Variants in NCAM1 observed in about 807,000 individuals in gnomAD.
NCAM1 encodes the protein antigen recognized by monoclonal antibody 5.1H11.
Under a neutral mutation model 109.8 loss-of-function variants are expected in NCAM1, and 14 were observed. That is an observed-to-expected ratio of 0.13 (90% CI 0.08 to 0.20). The LOEUF is 0.20. NCAM1 is among the 10% of genes least tolerant of loss of function. The pLI, the probability that NCAM1 is intolerant of heterozygous loss-of-function variation, is 1.00. For missense variants in NCAM1, 774 were observed against 1,109.9 expected, an observed-to-expected ratio of 0.70 and a Z score of 4.30; for synonymous variants, 418 against 442.9, an observed-to-expected ratio of 0.94 and a Z score of 0.70.
intron 1 of NCAM1, among the ~76,000 whole-genome samples, chr11:113,002,293 T>C (rs1951775223): frequency 6.6e-6 from 1 of 152,192 alleles, no homozygotes; most frequent in Admixed American, 6.5e-5. Flanking sequence ...GAATTTCTGC[T>C]CTGTTCTAGG....
intron 1 of NCAM1, among the ~76,000 whole-genome samples, chr11:113,030,066 A>T (rs1246457959): frequency 2.0e-5 from 3 of 152,252 alleles, no homozygotes; most frequent in African/African-American, 7.2e-5. Context: ...TATTTGATAA[A>T]AAAAAGGGAG....
At chr11:113,258,134 G>A (rs369304587) in intron 16 of NCAM1, among the ~76,000 whole-genome samples, 1 of 152,220 alleles carries the variant, frequency 6.6e-6, no homozygotes. Flanking sequence ...CCCTTCCAAG[G>A]AGCAGCCTGT....
rs146201810 is a variant in NCAM1, at chr11:113,071,387, A to G, written c.52+109723A>G. On this transcript the variant is annotated intron_variant, in intron 1 of 19. Transcript: ENST00000316851. Reference sequence around the variant, plus strand: ...GCTTTTCACTTGAGCAACCTTTCCAATTTATTAGTTTGGAATTTGCCATTG... The same window carrying G: ...GCTTTTCACTTGAGCAACCTTTCCAGTTTATTAGTTTGGAATTTGCCATTG... Among the ~76,000 whole-genome samples, 1,393 of 151,134 alleles carry G rather than the reference A, an allele frequency of 9.2e-3. 9 individuals carry two copies. Among genetic ancestry groups the G allele is most frequent in the South Asian group, 0.035 (167 of 4,792 alleles).
At chr11:112,974,020 C>G (rs549055804) in intron 1 of NCAM1, among the ~76,000 whole-genome samples, 1 of 152,164 alleles carries the variant, frequency 6.6e-6, no homozygotes, top group South Asian at 2.1e-4. Flanking sequence ...TGTCAATTCA[C>G]TATAATGGTT....
At position 113,275,525 on chromosome 11, in the gene NCAM1, T is replaced by A. The variant is rs1424887056; in HGVS notation, c.*138T>A. ...ACACACACACATCTCATTTCTCTAG[T>A]GTCTTTTGCCTTTAAAAAAAACTAA... On this transcript the variant is annotated 3_prime_UTR_variant, in exon 20 of 20. Transcript: ENST00000316851. 2.6e-6 allele frequency: 3 copies of A among 1,139,686 alleles called. No homozygotes were observed. The African/African-American group carries it at 4.7e-5, about 18-fold the overall frequency. 70.6% of individuals were successfully genotyped at this position (1,139,686 alleles called of 1,614,324 possible). A position where few individuals can be genotyped will look rare whatever the true frequency, so the allele number is the denominator to read the frequency against.
In NCAM1 at chr11:113,277,273, T is replaced by C. The variant is rs143624850; in HGVS notation, c.*1886T>C. The stretch of plus-strand genomic sequence containing the variant: ...TCTGCAGTCTGATCAGTGGCGATGC[T>C]AGATTATAATTTCAAACTGTGAAGA... On this transcript the variant is annotated 3_prime_UTR_variant, in exon 20 of 20. Coordinates refer to ENST00000316851, the MANE Select transcript of NCAM1 (RefSeq NM_181351.5). 330 of 398,980 alleles carry C rather than the reference T, an allele frequency of 8.3e-4. 2 individuals are homozygous for C. Among genetic ancestry groups the C allele is most frequent in the African/African-American group, 6.2e-3 (304 of 48,728 alleles). 24.7% of individuals were successfully genotyped at this position (398,980 alleles called of 1,614,324 possible).
intron 9 of NCAM1, among the ~76,000 whole-genome samples, chr11:113,223,480 G>A (rs782415374): frequency 7.2e-5 from 11 of 151,870 alleles, no homozygotes; most frequent in Non-Finnish European, 1.6e-4. Flanking sequence ...GGCTGTTCAC[G>A]CAACTGTTTT....
intron 17 of NCAM1, among the ~76,000 whole-genome samples, chr11:113,265,844 T>C (rs1946125124): frequency 6.6e-6 from 1 of 152,060 alleles, no homozygotes; most frequent in African/African-American, 2.4e-5. Flanking sequence ...ATCTGGATAT[T>C]TATAAAATGT....
At chr11:113,179,305 AGT>A (rs1386042433) in intron 1 of NCAM1, among the ~76,000 whole-genome samples, 2 of 152,254 alleles carry the variant, frequency 1.3e-5, no homozygotes, top group African/African-American at 4.8e-5. Context: ...TTGATTCCTA[AGT>A]AAAGAATTTG....
intron 14 of NCAM1, among the ~76,000 whole-genome samples, chr11:113,237,929 GAT>G (rs1224815154): frequency 5.4e-5 from 1 of 18,426 alleles, no homozygotes; most frequent in East Asian, 6.8e-3. Context: ...TATAGATATA[GAT>G]ATATAGATAT....
At chr11:113,225,267 C>T (rs536257041) in intron 9 of NCAM1, among the ~76,000 whole-genome samples, 15 of 152,194 alleles carry the variant, frequency 9.9e-5, no homozygotes, top group East Asian at 3.9e-4. Flanking sequence ...AACCACGGCA[C>T]GAGAACTACA....
chr11:113,047,424 A>T (rs1953308704), intron 1 of NCAM1, among the ~76,000 whole-genome samples: 1 of 152,220 alleles, frequency 6.6e-6, no homozygotes, highest in South Asian at 2.1e-4. Flanking sequence ...GCTCAACCCA[A>T]CAAATAACAG....
At chr11:113,184,579 C>T (rs782546828) in intron 1 of NCAM1, among the ~76,000 whole-genome samples, 11 of 152,264 alleles carry the variant, frequency 7.2e-5, no homozygotes, top group South Asian at 2.1e-4. Context: ...CTCATACATA[C>T]CCACACCTTT....
rs1950593527 is a variant in NCAM1, at chr11:112,962,423, T to G, written c.52+759T>G. Reference sequence around the variant, plus strand: ...GGGGCGGAGGGCGAGGAGGGCGTGATTGGGGCTGCCTGGTGTGTGCGCGCG... The same window carrying G: ...GGGGCGGAGGGCGAGGAGGGCGTGAGTGGGGCTGCCTGGTGTGTGCGCGCG... On this transcript the variant is annotated intron_variant, in intron 1 of 19. Transcript: ENST00000316851. This position sits in a 1 kb window ranked among gnomAD's most constrained non-coding sequence, Gnocchi z 5.6. 6.6e-6 allele frequency among the ~76,000 whole-genome samples: 1 copy of G among 151,842 alleles called. No individual in the cohort carries two copies. Among genetic ancestry groups the G allele is most frequent in the African/African-American group, 2.4e-5 (1 of 41,356 alleles).
In NCAM1 at chr11:113,162,127, G is replaced by C. The variant is rs138669558; in HGVS notation, c.53-40252G>C. ...CTGTAATTTTGAGTTGTAGTTCCTT[G>C]GGGGGAGGAGCAGCCTGAGATGGTT... On this transcript the variant is annotated intron_variant, in intron 1 of 19. Coordinates refer to ENST00000316851, the MANE Select transcript of NCAM1 (RefSeq NM_181351.5). 3.0e-4 allele frequency among the ~76,000 whole-genome samples: 45 copies of C among 152,294 alleles called. No individual in the cohort carries two copies. The South Asian group carries it at 5.4e-3, about 18-fold the overall frequency.
At chr11:113,144,227 A>T (rs1379788292) in intron 1 of NCAM1, among the ~76,000 whole-genome samples, 1 of 152,066 alleles carries the variant, frequency 6.6e-6, no homozygotes, top group Admixed American at 6.6e-5. Flanking sequence ...ACAGCCAGAA[A>T]CCTCTGTAAC....
intron 1 of NCAM1, among the ~76,000 whole-genome samples, chr11:113,158,850 A>G (rs1261875): frequency 0.069 from 10,561 of 152,242 alleles, 739 homozygotes; most frequent in African/African-American, 0.18. Context: ...TTTTTGCTCA[A>G]TTGAATTATT....
At chr11:113,270,105 C>A in intron 17 of NCAM1, 83 bp from the exon 18 acceptor site, 1 of 1,374,244 alleles carries the variant, frequency 7.3e-7, no homozygotes, top group Non-Finnish European at 1.0e-6. Context: ...GGGCCCTCCC[C>A]ACCCGCAGGG....
chr11:113,096,232 G>A (rs565911557), intron 1 of NCAM1, among the ~76,000 whole-genome samples: 43 of 152,244 alleles, frequency 2.8e-4, no homozygotes, highest in African/African-American at 1.0e-3. Flanking sequence ...TACCAAGTGG[G>A]GGTGGTGGAG....
Sources: allele counts gnomAD v4.1 joint callset (sites outside exome capture counted in the v4.1 genomes callset), GRCh38; gene constraint gnomAD v4.1.1; non-coding constraint Gnocchi (gnomAD v3.1); transcripts MANE v1.5; gene names NCBI Gene and HGNC (gene_info 2026-07-23, HGNC 2026-07-21).